The following STK31 variants were observed in gnomAD, a reference collection of about 807,000 sequenced individuals.
STK31 encodes serine/threonine kinase 31.
Under a neutral mutation model 129.7 loss-of-function variants are expected in STK31, and 89 were observed. The observed-to-expected ratio is 0.69, with a 90% CI of 0.58 to 0.82. The LOEUF (loss-of-function observed/expected upper bound fraction) is 0.82, where lower values mean the gene tolerates loss of function less well. Ranked by LOEUF, STK31 falls within the 40% of genes least tolerant of loss-of-function variation. The pLI is 0.00. For synonymous variants in STK31, 448 were observed against 395.3 expected, an observed-to-expected ratio of 1.13 and a Z score of -1.58; for missense variants, 1,187 against 1,176.4, an observed-to-expected ratio of 1.01 and a Z score of -0.13.
At chr7:23,778,861 A>G (rs1378139738) in intron 15 of STK31, among the ~76,000 whole-genome samples, 3 of 151,912 alleles carry the variant, frequency 2.0e-5, no homozygotes, top group African/African-American at 4.8e-5. Flanking sequence ...TTCTCCATCC[A>G]GTTTTGTTCC....
rs1172671099 is a variant in STK31, at chr7:23,737,097, G to T, written c.1017+19G>T. The T allele has an allele frequency of 1.9e-6, 3 of 1,562,668 alleles. No homozygotes were observed. The highest frequency in any genetic ancestry group is 2.4e-5 in the South Asian group (2 of 83,598). ...GCTGCAGGTATGTTCAGTGGCTTAA[G>T]GTGAAGAGTGTCCAACTGGGAAATC... On this transcript the variant is annotated intron_variant, in intron 8 of 23. Coordinates refer to ENST00000355870, the MANE Select transcript of STK31 (RefSeq NM_031414.5).
intron 16 of STK31, among the ~76,000 whole-genome samples, chr7:23,782,316 A>G (rs937622215): frequency 1.4e-5 from 2 of 147,908 alleles, no homozygotes; most frequent in Admixed American, 6.8e-5. Context: ...TACAAAAAAT[A>G]CAACAATTAG....
intron 4 of STK31, among the ~76,000 whole-genome samples, chr7:23,719,481 T>C (rs1786553584): frequency 6.6e-6 from 1 of 152,080 alleles, no homozygotes; most frequent in African/African-American, 2.4e-5. Context: ...TTTCCAGATA[T>C]AAACATGTGG....
At chr7:23,733,753 G>A (rs1209930764) in intron 6 of STK31, among the ~76,000 whole-genome samples, 2 of 151,850 alleles carry the variant, frequency 1.3e-5, no homozygotes, top group African/African-American at 4.8e-5. Flanking sequence ...AGCTTGCAGT[G>A]AGCCGAGATA....
intron 23 of STK31, among the ~76,000 whole-genome samples, chr7:23,827,260 A>G (rs571941800): frequency 3.4e-4 from 52 of 152,088 alleles, no homozygotes; most frequent in Middle Eastern, 3.4e-3. Flanking sequence ...TGGTCTTTTC[A>G]CGTAGTCCCA....
chr7:23,714,879 A>C lies in STK31; in HGVS notation c.150+2593A>C, dbSNP rs190220629. On this transcript the variant is annotated intron_variant, in intron 3 of 23. Coordinates refer to ENST00000355870, the MANE Select transcript of STK31 (RefSeq NM_031414.5). The stretch of plus-strand genomic sequence containing the variant: ...ATTCAATTCTGCCAACATAGTGCAA[A>C]GCAGCCATAGACATAATGTGAATGA... 2.0e-5 allele frequency among the ~76,000 whole-genome samples: 3 copies of C among 152,336 alleles called. No individual in the cohort carries two copies. The East Asian group carries it at 5.8e-4, about 29-fold the overall frequency.
rs1787681412 is a variant in STK31 at position 23,735,793 on chromosome 7, T to C, written c.739T>C (p.Ser247Pro). 1 of 1,614,024 alleles carries C rather than the reference T, an allele frequency of 6.2e-7. No individual in the cohort carries two copies. The highest frequency in any genetic ancestry group is 1.3e-5 in the African/African-American group (1 of 74,938). ...CCCCATTCCTTTGTGGGGGCATAGA[T>C]CAAACCAGTCAACCTTCAGCAGGCC... ...KSPIPLWGHR[S>P]NQSTFSRPKG... Residue 247 changes from serine to proline, a missense_variant, in exon 7 of 24, where the codon TCA becomes CCA. Ser to Pro is a moderately conservative substitution (Grantham distance 74). Around this residue, in one of 5 missense-constraint regions of STK31, gnomAD observed 975 missense variants for 934.9 expected, o/e 1.04. Transcript: ENST00000355870.
At chr7:23,787,035 G>T (rs1274856385) in intron 20 of STK31, 111 bp downstream of exon 20, 2 of 1,041,648 alleles carry the variant, frequency 1.9e-6, no homozygotes, top group African/African-American at 1.6e-5. Context: ...TTGACTCATG[G>T]TATTCTATTT....
chr7:23,717,701 A>G (rs1171332918), intron 4 of STK31, 122 bp downstream of exon 4: 5 of 682,812 alleles, frequency 7.3e-6, no homozygotes, highest in East Asian at 2.7e-5. Flanking sequence ...TGGAATTTGT[A>G]TAAACTACTG....
Position 23,781,479 on chromosome 7 carries a change from A to C in STK31, c.2026A>C (p.Asn676His), listed in dbSNP as rs1229646042. 3 of 1,612,052 alleles carry C rather than the reference A, an allele frequency of 1.9e-6. No homozygotes were observed. The highest frequency in any genetic ancestry group is 1.1e-5 in the South Asian group (1 of 90,666). The change falls in exon 16 of 24, where the codon AAT becomes CAT. Residue 676 changes from asparagine to histidine, a missense_variant. Physicochemically the swap from Asn to His is moderately conservative, Grantham distance 68. Transcript: ENST00000355870. ...KIKEEITQLRNNVFQEIYHER... is the reference protein window; with the variant it reads ...KIKEEITQLRHNVFQEIYHER... ...AAAAGAAGAAATAACTCAGCTGCGCAATAATGTCTTTCAGGAAATTTATCA... is the reference window on the plus strand; with the variant it reads ...AAAAGAAGAAATAACTCAGCTGCGCCATAATGTCTTTCAGGAAATTTATCA...
At chr7:23,741,274 A>G (rs1393278539) in intron 8 of STK31, among the ~76,000 whole-genome samples, 1 of 152,204 alleles carries the variant, frequency 6.6e-6, no homozygotes, top group African/African-American at 2.4e-5. Context: ...TTTTAGTGGC[A>G]AGAGGTATTT....
At chr7:23,756,078 T>C (rs1388740805) in intron 10 of STK31, among the ~76,000 whole-genome samples, 3 of 152,108 alleles carry the variant, frequency 2.0e-5, no homozygotes, top group Non-Finnish European at 2.9e-5. Flanking sequence ...TCTATAAAAT[T>C]TTTTGGCCAG....
At chr7:23,785,674 G>A in intron 18 of STK31, 71 bp downstream of exon 18, 4 of 1,518,482 alleles carry the variant, frequency 2.6e-6, no homozygotes, top group Admixed American at 4.0e-5. Flanking sequence ...TACATTTCAA[G>A]AAAGAAAAAA....
chr7:23,745,759 G>A (rs1788313895), intron 8 of STK31, among the ~76,000 whole-genome samples: 1 of 152,028 alleles, frequency 6.6e-6, no homozygotes, highest in African/African-American at 2.4e-5. Context: ...GGCCTCAGGT[G>A]TGGCAGCAGC....
intron 14 of STK31, 69 bp downstream of exon 14, chr7:23,771,193 C>G: frequency 7.1e-7 from 1 of 1,417,928 alleles, no homozygotes. Flanking sequence ...TTAAATTTTT[C>G]TATTGTTGTT....
At chr7:23,710,493 C>A in intron 1 of STK31, 158 bp downstream of exon 1, 2 of 1,500,734 alleles carry the variant, frequency 1.3e-6, no homozygotes, top group Non-Finnish European at 1.8e-6. Context: ...GCCAGATGCC[C>A]CAGTTTTTGA....
At chr7:23,806,985 G>A (rs530683284) in intron 22 of STK31, among the ~76,000 whole-genome samples, 83 of 151,378 alleles carry the variant, frequency 5.5e-4, no homozygotes, top group Non-Finnish European at 8.8e-4. Flanking sequence ...CAGGAATTTC[G>A]TGTATTAATA....
chr7:23,785,157 T>C (rs1791189849), intron 17 of STK31, among the ~76,000 whole-genome samples: 1 of 152,176 alleles, frequency 6.6e-6, no homozygotes, highest in African/African-American at 2.4e-5. Context: ...GTTACTTTAG[T>C]ATTTTTTAGG....
intron 4 of STK31, among the ~76,000 whole-genome samples, chr7:23,723,258 T>C (rs540383380): frequency 1.3e-5 from 2 of 152,316 alleles, no homozygotes; most frequent in South Asian, 4.1e-4. Context: ...TGAAACAGTC[T>C]AATGCCAATT....
Sources: gnomAD v4.1 joint callset for allele counts (sites outside exome capture counted in the v4.1 genomes callset) on GRCh38, gnomAD v4.1.1 for gene constraint, gnomAD v4.1.1 regional missense constraint, MANE v1.5 for transcripts, NCBI Gene and HGNC (gene_info 2026-07-23, HGNC 2026-07-21) for gene names.